Variants in RPS6KC1 observed in about 807,000 individuals in gnomAD.
The protein encoded by RPS6KC1 is inactive ribosomal protein S6 kinase delta-1.
RPS6KC1 carries 54 observed loss-of-function variants against 103.8 expected under a neutral mutation model. The observed-to-expected ratio is 0.52, with a 90% CI of 0.42 to 0.65. The LOEUF is 0.65. RPS6KC1 is among the 30% of genes least tolerant of loss of function. The probability of loss-of-function intolerance (pLI) is 0.00; values close to 1 mark genes in which losing one functional copy is unlikely to be tolerated. For synonymous variants in RPS6KC1, 439 were observed against 438.7 expected, an observed-to-expected ratio of 1.00 and a Z score of -0.01; for missense variants, 1,151 against 1,253.8, an observed-to-expected ratio of 0.92 and a Z score of 1.24.
intron 6 of RPS6KC1, among the ~76,000 whole-genome samples, chr1:213,136,748 A>T (rs2086311187): frequency 6.6e-6 from 1 of 152,196 alleles, no homozygotes; most frequent in African/African-American, 2.4e-5. Context: ...TGTGACTGGC[A>T]TCCAGATCAA....
the RPS6KC1 span, among the ~76,000 whole-genome samples, chr1:213,523,297 T>C: frequency 6.6e-6 from 1 of 152,158 alleles, no homozygotes; most frequent in East Asian, 1.9e-4. Context: ...ACATCAAAGA[T>C]CACTGACCAC....
At chr1:213,478,736 T>C in the RPS6KC1 span, among the ~76,000 whole-genome samples, 1 of 152,276 alleles carries the variant, frequency 6.6e-6, no homozygotes, top group South Asian at 2.1e-4. Context: ...CTTTGTATAT[T>C]TTAGAAGACA....
At chr1:213,627,679 A>C in the RPS6KC1 span, among the ~76,000 whole-genome samples, 3 of 152,200 alleles carry the variant, frequency 2.0e-5, no homozygotes, top group East Asian at 5.8e-4. Flanking sequence ...TATTGAGATA[A>C]TCATATGGTT....
chr1:213,110,511 C>G (rs1031143979), intron 4 of RPS6KC1, among the ~76,000 whole-genome samples: 6 of 152,128 alleles, frequency 3.9e-5, no homozygotes, highest in African/African-American at 1.4e-4. Flanking sequence ...TATTTTTAAG[C>G]CAGGCTATAT....
the RPS6KC1 span, among the ~76,000 whole-genome samples, chr1:213,850,520 T>TTG: frequency 1.3e-5 from 2 of 152,222 alleles, no homozygotes; most frequent in Non-Finnish European, 2.9e-5. Context: ...AGGCAGGCCA[T>TTG]CTACAGTCTG....
intron 6 of RPS6KC1, among the ~76,000 whole-genome samples, chr1:213,145,096 T>C (rs1406227856): frequency 6.6e-6 from 1 of 152,108 alleles, no homozygotes; most frequent in Non-Finnish European, 1.5e-5. Context: ...TTTATACTGC[T>C]GACCAAGATA....
the RPS6KC1 span, among the ~76,000 whole-genome samples, chr1:213,481,205 A>G: frequency 6.6e-6 from 1 of 152,162 alleles, no homozygotes; most frequent in East Asian, 1.9e-4. Flanking sequence ...CTGTCCCTGA[A>G]GATTTGGTAA....
the RPS6KC1 span, among the ~76,000 whole-genome samples, chr1:213,811,035 T>C: frequency 6.6e-6 from 1 of 152,164 alleles, no homozygotes; most frequent in Non-Finnish European, 1.5e-5. Context: ...CAAAACAAAA[T>C]AGTCCCCATG....
At chr1:213,199,379 G>T (rs2093067923) in intron 8 of RPS6KC1, among the ~76,000 whole-genome samples, 1 of 152,050 alleles carries the variant, frequency 6.6e-6, no homozygotes, top group Non-Finnish European at 1.5e-5. Flanking sequence ...CACATAAACA[G>T]AACTAAAGGA....
At chr1:213,604,269 T>C in the RPS6KC1 span, among the ~76,000 whole-genome samples, 4,235 of 152,352 alleles carry the variant, frequency 0.028, 115 homozygotes, top group African/African-American at 0.065. Context: ...CAACTTGCTG[T>C]TCCAGCTTAG....
chr1:213,284,938 A>G, the RPS6KC1 span, among the ~76,000 whole-genome samples: 1 of 152,224 alleles, frequency 6.6e-6, no homozygotes, highest in Non-Finnish European at 1.5e-5. Flanking sequence ...CAGTGAAAGA[A>G]AGAGAGCCAA....
chr1:213,515,171 C>T, the RPS6KC1 span, among the ~76,000 whole-genome samples: 5 of 151,476 alleles, frequency 3.3e-5, no homozygotes, highest in African/African-American at 7.3e-5. Flanking sequence ...TTCTCCCATT[C>T]TGTAGGTTGC....
At chr1:213,396,031 G>A in the RPS6KC1 span, among the ~76,000 whole-genome samples, 1 of 152,196 alleles carries the variant, frequency 6.6e-6, no homozygotes, top group Non-Finnish European at 1.5e-5. Flanking sequence ...AATGGCATTG[G>A]CAAAGGCTTG....
chr1:213,296,092 GA>G, the RPS6KC1 span, among the ~76,000 whole-genome samples: 1 of 152,176 alleles, frequency 6.6e-6, no homozygotes, highest in African/African-American at 2.4e-5. Context: ...CATGCAAATG[GA>G]TTATCTTACT....
chr1:213,625,441 T>A, the RPS6KC1 span, among the ~76,000 whole-genome samples: 1 of 151,952 alleles, frequency 6.6e-6, no homozygotes, highest in Non-Finnish European at 1.5e-5. Flanking sequence ...TCTTTTTTTT[T>A]ATTATACTTT....
chr1:213,662,619 C>T, the RPS6KC1 span, among the ~76,000 whole-genome samples: 1 of 152,036 alleles, frequency 6.6e-6, no homozygotes, highest in South Asian at 2.1e-4. Context: ...TCATAGCTCC[C>T]CTGCGCATAG....
At chr1:213,622,824 A>G in the RPS6KC1 span, among the ~76,000 whole-genome samples, 1,100 of 152,198 alleles carry the variant, frequency 7.2e-3, 11 homozygotes, top group African/African-American at 0.025. Context: ...GTCAAAGGAA[A>G]CGCCTTCTAA....
At chr1:213,270,885 G>C (rs2095032324) in intron 14 of RPS6KC1, among the ~76,000 whole-genome samples, 1 of 152,134 alleles carries the variant, frequency 6.6e-6, no homozygotes, top group African/African-American at 2.4e-5. Flanking sequence ...ACCATAACAA[G>C]ATACTACTAA....
chr1:213,732,951 C>A, the RPS6KC1 span, among the ~76,000 whole-genome samples: 1 of 152,152 alleles, frequency 6.6e-6, no homozygotes, highest in Non-Finnish European at 1.5e-5. Flanking sequence ...CCTTCAGGTT[C>A]ATCATGTCTG....
Sources: allele counts gnomAD v4.1 joint callset (sites outside exome capture counted in the v4.1 genomes callset), GRCh38; gene constraint gnomAD v4.1.1; transcripts MANE v1.5; gene names NCBI Gene and HGNC (gene_info 2026-07-23, HGNC 2026-07-21).